The following DSCAM variants were observed in gnomAD, a reference collection of about 807,000 sequenced individuals.
DSCAM encodes DS cell adhesion molecule.
Under a neutral mutation model 217.7 loss-of-function variants are expected in DSCAM, and 47 were observed. That is an observed-to-expected ratio of 0.22 (90% confidence interval 0.17 to 0.28). The LOEUF is 0.28. Ranked by LOEUF, DSCAM falls within the 10% of genes least tolerant of loss-of-function variation. The probability of loss-of-function intolerance (pLI) is 1.00; values close to 1 mark genes in which losing one functional copy is unlikely to be tolerated. For synonymous variants in DSCAM, 1,056 were observed against 1,015.3 expected (o/e 1.04, Z -0.76); for missense variants, 2,080 against 2,618.3 (o/e 0.79, Z 4.49).
intron 3 of DSCAM, among the ~76,000 whole-genome samples, chr21:40,611,563 A>G (rs1240192089): frequency 4.6e-5 from 7 of 152,170 alleles, no homozygotes. Flanking sequence ...GGCCAGGGCT[A>G]CCCTACTGGA....
intron 3 of DSCAM, among the ~76,000 whole-genome samples, chr21:40,528,898 C>CTGTTTTTTTTTTTTTTT (rs2076420873): frequency 1.0e-5 from 1 of 99,396 alleles, no homozygotes; most frequent in African/African-American, 4.9e-5. Context: ...AGGCTTTCCA[C>CTGTTTTTTTTTTTTTTT]TTTTTTTTTT....
intron 11 of DSCAM, among the ~76,000 whole-genome samples, chr21:40,257,469 A>AACACACACACACACACACAC (rs141911963): frequency 0.012 from 1,707 of 144,742 alleles, 20 homozygotes; most frequent in African/African-American, 0.025. Flanking sequence ...GTATTTGCTG[A>AACACACACACACACACACAC]ACACACACAC....
intron 3 of DSCAM, among the ~76,000 whole-genome samples, chr21:40,552,313 C>CA (rs34329483): frequency 0.013 from 1,900 of 148,442 alleles, 37 homozygotes; most frequent in African/African-American, 0.044. Flanking sequence ...CACTTCGTCT[C>CA]AAAAAAAAAA....
chr21:40,637,326 T>C (rs1601810986), intron 3 of DSCAM, among the ~76,000 whole-genome samples: 1 of 31,120 alleles, frequency 3.2e-5, no homozygotes, highest in Non-Finnish European at 5.2e-5. Context: ...TATATAAATA[T>C]AAATATATAT....
intron 3 of DSCAM, among the ~76,000 whole-genome samples, chr21:40,611,781 G>T (rs926951298): frequency 3.3e-5 from 5 of 152,206 alleles, no homozygotes; most frequent in Non-Finnish European, 7.3e-5. Flanking sequence ...GCCCTCATGG[G>T]ACTTCAGTGA....
intron 1 of DSCAM, among the ~76,000 whole-genome samples, chr21:40,794,487 C>T (rs562513870): frequency 1.3e-5 from 2 of 150,274 alleles, no homozygotes; most frequent in East Asian, 3.9e-4. Flanking sequence ...TTGCGATATA[C>T]TGCACCAAAA....
In DSCAM at chr21:40,822,448, T is replaced by A. The variant is rs532906397; in HGVS notation, c.43+24171A>T. Among the ~76,000 whole-genome samples the A allele has an allele frequency of 6.2e-3, 929 of 148,692 alleles. 8 individuals are homozygous for A. The highest frequency in any genetic ancestry group is 0.016 in the African/African-American group (661 of 40,750). ...AGCTTATATTACCTCTGTTTTTTTT[T>A]AAAAAAAAAGACTTTGTTACTTTGT... On this transcript the variant is annotated intron_variant, in intron 1 of 32. Coordinates refer to ENST00000400454, the MANE Select transcript of DSCAM (RefSeq NM_001389.5).
intron 1 of DSCAM, among the ~76,000 whole-genome samples, chr21:40,834,235 C>T (rs899464775): frequency 7.9e-5 from 12 of 151,546 alleles, no homozygotes; most frequent in African/African-American, 2.7e-4. Context: ...GGTGAAACCC[C>T]GTCTCTACTA....
chr21:40,496,081 T>C (rs1440654459), intron 3 of DSCAM, among the ~76,000 whole-genome samples: 1 of 152,184 alleles, frequency 6.6e-6, no homozygotes, highest in Non-Finnish European at 1.5e-5. Context: ...TAATTAATGT[T>C]GTTAAGATGT....
chr21:40,097,444 A>C (rs894427029), intron 20 of DSCAM, among the ~76,000 whole-genome samples: 2 of 152,148 alleles, frequency 1.3e-5, no homozygotes, highest in African/African-American at 4.8e-5. Context: ...TACAAAAAAA[A>C]CCCCAAAGAA....
At chr21:40,240,882 T>C (rs2073143738) in intron 11 of DSCAM, among the ~76,000 whole-genome samples, 1 of 152,126 alleles carries the variant, frequency 6.6e-6, no homozygotes, top group African/African-American at 2.4e-5. Context: ...CTATCACATC[T>C]TACCCACAGA....
At chr21:40,681,567 A>T (rs1017808006) in intron 3 of DSCAM, among the ~76,000 whole-genome samples, 1 of 151,788 alleles carries the variant, frequency 6.6e-6, no homozygotes, top group Non-Finnish European at 1.5e-5. Flanking sequence ...AGATGGAAAG[A>T]TATAAAATGT....
intron 32 of DSCAM, among the ~76,000 whole-genome samples, chr21:40,033,144 A>G (rs938096014): frequency 6.6e-6 from 1 of 152,172 alleles, no homozygotes; most frequent in Non-Finnish European, 1.5e-5. Context: ...AGGTGCCTTT[A>G]GAAAGTATTG....
intron 1 of DSCAM, among the ~76,000 whole-genome samples, chr21:40,828,830 AGT>A (rs2091990413): frequency 6.6e-6 from 1 of 151,900 alleles, no homozygotes; most frequent in African/African-American, 2.4e-5. Context: ...TAATTTTTGT[AGT>A]TTTTTAGTAT....
rs148394184 is a variant in DSCAM, at chr21:40,338,779, G to A, written c.1507+340C>T. On this transcript the variant is annotated intron_variant, in intron 7 of 32. Coordinates refer to ENST00000400454, the MANE Select transcript of DSCAM (RefSeq NM_001389.5). ...TGGAGGTTACATCACGTTGCAGCATGAATGTAAGTTTAATACCATGTACAT... is the reference window on the plus strand; with the variant it reads ...TGGAGGTTACATCACGTTGCAGCATAAATGTAAGTTTAATACCATGTACAT... Among the ~76,000 whole-genome samples, 24 of 152,290 alleles carry A rather than the reference G, an allele frequency of 1.6e-4. No individual in the cohort carries two copies. In the East Asian group the frequency reaches 3.1e-3, roughly 20 times the overall value.
chr21:40,681,494 T>TA (rs2090400497), intron 3 of DSCAM, among the ~76,000 whole-genome samples: 1 of 150,416 alleles, frequency 6.6e-6, no homozygotes, highest in Non-Finnish European at 1.5e-5. Flanking sequence ...AAATGCTTTT[T>TA]TTTTTTTTTT....
intron 32 of DSCAM, among the ~76,000 whole-genome samples, chr21:40,014,403 AAAACAAAAC>A (rs1270176227): frequency 6.6e-6 from 1 of 152,110 alleles, no homozygotes; most frequent in Non-Finnish European, 1.5e-5. Flanking sequence ...AAAACAAAAC[AAAACAAAAC>A]AAACAAAAAA....
chr21:40,668,888 AAAC>A (rs1019028927), intron 3 of DSCAM, among the ~76,000 whole-genome samples: 2 of 151,846 alleles, frequency 1.3e-5, no homozygotes, highest in African/African-American at 4.8e-5. Flanking sequence ...ATTGGGAAAA[AAAC>A]AAAGAAAAGA....
At chr21:40,134,110 C>T (rs2090182912) in intron 18 of DSCAM, 101 bp from the exon 19 acceptor site, 1 of 1,421,542 alleles carries the variant, frequency 7.0e-7, no homozygotes, top group African/African-American at 1.4e-5. Context: ...ATGCCATCAC[C>T]CGTCCAGCCA....
Sources: allele counts gnomAD v4.1 joint callset (sites outside exome capture counted in the v4.1 genomes callset), GRCh38; gene constraint gnomAD v4.1.1; transcripts MANE v1.5; gene names NCBI Gene and HGNC (gene_info 2026-07-23, HGNC 2026-07-21).